The following CFH variants were observed in gnomAD, a reference collection of about 807,000 sequenced individuals.
CFH encodes complement factor H.
A neutral mutation model predicts 147.3 loss-of-function variants in CFH; 53 were observed. The observed-to-expected ratio is 0.36, with a 90% confidence interval of 0.29 to 0.45. The LOEUF is 0.45. CFH is among the 20% of genes least tolerant of loss of function. The pLI is 1.00. For missense variants in CFH, 1,380 were observed against 1,498.0 expected, an observed-to-expected ratio of 0.92 and a Z score of 1.30; for synonymous variants, 536 against 489.4, an observed-to-expected ratio of 1.10 and a Z score of -1.26.
chr1:196,712,074 A>T (rs1668734959), intron 9 of CFH, among the ~76,000 whole-genome samples: 4 of 151,894 alleles, frequency 2.6e-5, no homozygotes, highest in Non-Finnish European at 5.9e-5. Context: ...TGTTTGGAAA[A>T]TTTCTCCCAG....
At chr1:196,742,088 G>C in intron 19 of CFH, 37 bp downstream of exon 19, 1 of 1,603,602 alleles carries the variant, frequency 6.2e-7, no homozygotes, top group Non-Finnish European at 8.5e-7. Context: ...TTTATATAAT[G>C]TGTGGGCCCA....
rs764187411 is a variant in CFH at position 196,726,599 on chromosome 1, C to T, written c.2003C>T (p.Pro668Leu). 8 of 1,612,038 alleles carry T rather than the reference C, an allele frequency of 5.0e-6. No individual in the cohort carries two copies. In the East Asian group the frequency reaches 8.9e-5, roughly 18 times the overall value. ...AATCCTAGATTTCTAATGAAGGGACCTAATAAAATTCAATGTGTTGATGGA... is the reference window on the plus strand; with the variant it reads ...AATCCTAGATTTCTAATGAAGGGACTTAATAAAATTCAATGTGTTGATGGA... ...YCNPRFLMKGPNKIQCVDGEW... is the reference protein window; with the variant it reads ...YCNPRFLMKGLNKIQCVDGEW... Residue 668 changes from proline to leucine, a missense_variant, in exon 13 of 22, where the codon CCT becomes CTT. Transcript: ENST00000367429.
At chr1:196,677,964 A>G (rs907622905) in intron 5 of CFH, 5 of 377,780 alleles carry the variant, frequency 1.3e-5, no homozygotes, top group African/African-American at 4.2e-5. Flanking sequence ...TAGGATTTAA[A>G]TGTAGGTTAT....
chr1:196,694,223 T>A (rs1558164513), intron 9 of CFH, among the ~76,000 whole-genome samples: 1 of 152,090 alleles, frequency 6.6e-6, no homozygotes, highest in Non-Finnish European at 1.5e-5. Context: ...TTCTCATTGA[T>A]CAACTCTCAC....
At chr1:196,709,551 G>A (rs1239654397) in intron 9 of CFH, among the ~76,000 whole-genome samples, 1 of 152,098 alleles carries the variant, frequency 6.6e-6, no homozygotes, top group East Asian at 1.9e-4. Flanking sequence ...CTGTCCCTAG[G>A]AAAGTTATAT....
intron 11 of CFH, among the ~76,000 whole-genome samples, chr1:196,723,455 C>A (rs556212096): frequency 6.6e-6 from 1 of 152,242 alleles, no homozygotes; most frequent in African/African-American, 2.4e-5. Context: ...GAGGACTACG[C>A]AGAAAACTAA....
chr1:196,689,589 A>G lies in CFH; in HGVS notation c.1134A>G (p.Gly378=), dbSNP rs1214422476. 2 of 1,613,370 alleles carry G rather than the reference A, an allele frequency of 1.2e-6. No homozygotes were observed. Among genetic ancestry groups the G allele is most frequent in the Non-Finnish European group, 8.5e-7 (1 of 1,179,650 alleles). The part of the protein sequence containing the change: ...YWDHIHCTQD[G]WSPAVPCLRK... ...ATCACATTCATTGCACACAAGATGG[A>G]TGGTCGCCAGCAGTACCATGCCTCA... is the stretch of plus-strand genomic sequence containing the variant. Residue 378 remains glycine (G), a synonymous_variant, in exon 8 of 22, where the codon GGA becomes GGG. Transcript: ENST00000367429.
Position 196,737,580 on chromosome 1 carries a change from G to C in CFH, c.2702G>C (p.Cys901Ser). The C allele has an allele frequency of 6.2e-7, 1 of 1,613,388 alleles. No individual in the cohort carries two copies. The highest frequency in any genetic ancestry group is 2.2e-5 in the East Asian group (1 of 44,720). The change falls in exon 17 of 22, where the codon TGT (cysteine) becomes TCT (serine). Residue 901 changes from cysteine (C) to serine (S), a missense_variant. This residue lies in a region of CFH where 830 missense variants were observed against 821.4 expected (regional missense o/e 1.01). Coordinates refer to ENST00000367429, the MANE Select transcript of CFH (RefSeq NM_000186.4). ...YAHGTKLSYT[C>S]EGGFRISEEN... is the part of the protein sequence containing the mutation. ...CATGGGACTAAATTGAGTTATACTT[G>C]TGAGGGTGGTTTCAGGATATCTGAA...
chr1:196,684,992 A>C, intron 6 of CFH, 72 bp from the exon 7 acceptor site: 1 of 1,191,462 alleles, frequency 8.4e-7, no homozygotes, highest in South Asian at 1.3e-5. Flanking sequence ...CCCACTTTTA[A>C]ATGTTTATAT....
At chr1:196,742,130 T>C in intron 19 of CFH, 79 bp downstream of exon 19, 1 of 1,399,384 alleles carries the variant, frequency 7.1e-7, no homozygotes. Context: ...ATCCCAGCAC[T>C]TTGGGAGGCC....
chr1:196,721,411 A>C (rs1175750398), intron 11 of CFH, among the ~76,000 whole-genome samples: 1 of 152,028 alleles, frequency 6.6e-6, no homozygotes, highest in African/African-American at 2.4e-5. Flanking sequence ...AGTTCTGATA[A>C]GATACTTGAT....
At chr1:196,720,166 A>G (rs1668966071) in intron 11 of CFH, among the ~76,000 whole-genome samples, 1 of 151,946 alleles carries the variant, frequency 6.6e-6, no homozygotes, top group African/African-American at 2.4e-5. Context: ...TTGACTCTGC[A>G]ATGACAGATA....
At position 196,736,827 on chromosome 1, in the gene CFH, CACAAAT is replaced by C. The variant is rs769429432; in HGVS notation, c.2422_2427del (p.Ile808_Gln809del). On this transcript the variant is annotated inframe_deletion, in exon 16 of 22. Transcript: ENST00000367429. ...TTATATTTTTAATATTTTTTAGTGG[CACAAAT>C]ACAATTATGCCCACCTCCACCTCAG... is the stretch of plus-strand genomic sequence containing the variant. The C allele has an allele frequency of 5.0e-6, 7 of 1,405,808 alleles. No individual in the cohort carries two copies. The highest frequency in any genetic ancestry group is 6.6e-6 in the Non-Finnish European group (7 of 1,063,304). The allele number at this position is 1,405,808 out of a possible 1,614,324, so 87.1% of individuals were successfully genotyped here.
intron 4 of CFH, among the ~76,000 whole-genome samples, 159 bp downstream of exon 4, chr1:196,676,224 A>G (rs1054529081): frequency 5.9e-5 from 9 of 151,872 alleles, no homozygotes; most frequent in Admixed American, 3.9e-4. Flanking sequence ...TTATTACTAC[A>G]TTCTTGGTGT....
At chr1:196,721,918 A>T (rs907045926) in intron 11 of CFH, among the ~76,000 whole-genome samples, 1 of 151,548 alleles carries the variant, frequency 6.6e-6, no homozygotes, top group Admixed American at 6.6e-5. Context: ...TACCTTTACC[A>T]TGAGTTTGTA....
At chr1:196,733,016 G>A (rs985795554) in intron 15 of CFH, among the ~76,000 whole-genome samples, 2 of 152,000 alleles carry the variant, frequency 1.3e-5, no homozygotes, top group African/African-American at 2.4e-5. Context: ...CAGGAATGCA[G>A]ATCTCTATCA....
At chr1:196,676,761 G>C (rs1031979777) in intron 4 of CFH, among the ~76,000 whole-genome samples, 1 of 152,012 alleles carries the variant, frequency 6.6e-6, no homozygotes, top group Non-Finnish European at 1.5e-5. Flanking sequence ...AATAATGGAA[G>C]ATTTTTTCAT....
intron 3 of CFH, among the ~76,000 whole-genome samples, chr1:196,674,575 A>G (rs1667392707): frequency 6.9e-6 from 1 of 145,822 alleles, no homozygotes; most frequent in African/African-American, 2.4e-5. Context: ...TGCTAGATGA[A>G]AAATTATTTT....
intron 6 of CFH, among the ~76,000 whole-genome samples, chr1:196,684,006 T>C (rs1333314309): frequency 1.3e-5 from 2 of 151,896 alleles, no homozygotes; most frequent in African/African-American, 4.8e-5. Context: ...ATAGAAGTGG[T>C]CATATAGTTT....
Sources: gnomAD v4.1 joint callset for allele counts (sites outside exome capture counted in the v4.1 genomes callset) on GRCh38, gnomAD v4.1.1 for gene constraint, gnomAD v4.1.1 regional missense constraint, MANE v1.5 for transcripts, NCBI Gene and HGNC (gene_info 2026-07-23, HGNC 2026-07-21) for gene names.